Variants in PTPRG observed in about 807,000 individuals in gnomAD.
PTPRG encodes the protein protein tyrosine phosphatase receptor type G.
In PTPRG, 102 loss-of-function variants were observed where a neutral mutation model predicts 165.3. The observed-to-expected ratio is 0.62, with a 90% CI of 0.53 to 0.73. PTPRG has a LOEUF of 0.73. Ranked by LOEUF, PTPRG falls within the 30% of genes least tolerant of loss-of-function variation. The pLI is 0.00. For missense variants in PTPRG, 1,866 were observed against 1,861.4 expected (o/e 1.00, Z -0.05); for synonymous variants, 675 against 669.5 (o/e 1.01, Z -0.13).
intron 2 of PTPRG, among the ~76,000 whole-genome samples, chr3:61,856,562 A>G (rs557797407): frequency 1.3e-5 from 2 of 152,072 alleles, no homozygotes; most frequent in Non-Finnish European, 2.9e-5. Context: ...TTCTCATTGC[A>G]TGCATACAAG....
intron 2 of PTPRG, among the ~76,000 whole-genome samples, chr3:61,826,712 C>G (rs1480862145): frequency 6.6e-6 from 1 of 152,014 alleles, no homozygotes; most frequent in Non-Finnish European, 1.5e-5. Flanking sequence ...TTACACCTCC[C>G]TTTATAGCCC....
chr3:61,938,725 T>C (rs2039540740), intron 2 of PTPRG, among the ~76,000 whole-genome samples: 1 of 152,268 alleles, frequency 6.6e-6, no homozygotes, highest in Non-Finnish European at 1.5e-5. Flanking sequence ...CGCTACGTTA[T>C]AAACTGAGTC....
intron 1 of PTPRG, among the ~76,000 whole-genome samples, chr3:61,662,916 T>C (rs1702705999): frequency 6.6e-6 from 1 of 152,200 alleles, no homozygotes; most frequent in Admixed American, 6.5e-5. Context: ...ATGCAGAGTA[T>C]ACACATAGGC....
chr3:61,623,752 C>CA (rs1701529653), intron 1 of PTPRG, among the ~76,000 whole-genome samples: 1 of 152,140 alleles, frequency 6.6e-6, no homozygotes, highest in Non-Finnish European at 1.5e-5. Flanking sequence ...AAAGAAGACA[C>CA]AAAACCTTCA....
In PTPRG at chr3:61,587,376, A is replaced by C. The variant is rs72888676; in HGVS notation, c.85+25004A>C. Among the ~76,000 whole-genome samples the C allele has an allele frequency of 9.8e-3, 1,471 of 150,426 alleles. 17 individuals carry two copies. The highest frequency in any genetic ancestry group is 0.034 in the African/African-American group (1,395 of 41,032). ...TTGTTTTTTCTCTCTATGCACATAC[A>C]CTCTTTCTGTCAGACTCATTTTCTC... On this transcript the variant is annotated intron_variant, in intron 1 of 29. Coordinates refer to ENST00000474889, the MANE Select transcript of PTPRG (RefSeq NM_002841.4).
At chr3:62,231,965 T>A (rs1700914166) in intron 14 of PTPRG, among the ~76,000 whole-genome samples, 2 of 152,196 alleles carry the variant, frequency 1.3e-5, no homozygotes, top group African/African-American at 4.8e-5. Flanking sequence ...AGTCTCTTGA[T>A]AATATTTCTG....
chr3:61,666,742 G>A (rs193176899), intron 1 of PTPRG, among the ~76,000 whole-genome samples: 16 of 152,276 alleles, frequency 1.1e-4, no homozygotes, highest in African/African-American at 3.6e-4. Context: ...CCTGTTCATC[G>A]TAGGGTGTTT....
At chr3:61,925,131 A>T (rs2039176450) in intron 2 of PTPRG, among the ~76,000 whole-genome samples, 1 of 152,238 alleles carries the variant, frequency 6.6e-6, no homozygotes, top group Non-Finnish European at 1.5e-5. Flanking sequence ...GCTCAAGGTG[A>T]CTTAAGACAG....
intron 1 of PTPRG, chr3:61,742,374 T>TAA (rs2033025213): frequency 2.5e-5 from 25 of 1,007,934 alleles, no homozygotes; most frequent in Non-Finnish European, 3.2e-5. Flanking sequence ...GACATTTTTA[T>TAA]AGGAAGAAAT....
At chr3:62,062,788 A>AG (rs1700864142) in intron 4 of PTPRG, among the ~76,000 whole-genome samples, 1 of 152,094 alleles carries the variant, frequency 6.6e-6, no homozygotes, top group African/African-American at 2.4e-5. Context: ...TCAGCCTCCC[A>AG]AGTAGCATGG....
chr3:62,261,818 G>T (rs1181972526), intron 16 of PTPRG: 1 of 151,878 alleles, frequency 6.6e-6, no homozygotes, highest in Non-Finnish European at 1.5e-5. Flanking sequence ...AAGACAACCA[G>T]TTCATTGTTT....
chr3:61,646,859 A>G (rs914941601), intron 1 of PTPRG, among the ~76,000 whole-genome samples: 23 of 152,338 alleles, frequency 1.5e-4, no homozygotes, highest in Admixed American at 7.8e-4. Flanking sequence ...ATGTCATTAT[A>G]TAAAGGAAAT....
At chr3:62,124,871 A>C (rs1226877452) in intron 5 of PTPRG, among the ~76,000 whole-genome samples, 1 of 152,158 alleles carries the variant, frequency 6.6e-6, no homozygotes, top group Admixed American at 6.5e-5. Context: ...ATCTTTCATA[A>C]CATTGCTTTT....
chr3:62,276,633 T>C (rs1702240578), intron 24 of PTPRG: 1 of 246,618 alleles, frequency 4.1e-6, no homozygotes, highest in Non-Finnish European at 7.7e-6. Context: ...ACAAAGTATA[T>C]GTTGGTATAA....
intron 2 of PTPRG, among the ~76,000 whole-genome samples, chr3:61,951,727 T>C (rs1310866427): frequency 6.6e-6 from 1 of 152,204 alleles, no homozygotes; most frequent in African/African-American, 2.4e-5. Context: ...TTTTACAAAG[T>C]ACAGAGAGGC....
intron 2 of PTPRG, among the ~76,000 whole-genome samples, chr3:61,858,143 C>T (rs1461930111): frequency 6.6e-6 from 1 of 152,172 alleles, no homozygotes; most frequent in Non-Finnish European, 1.5e-5. Context: ...GACAGAAAAG[C>T]ATGAAGGAAA....
intron 2 of PTPRG, among the ~76,000 whole-genome samples, chr3:61,796,181 GA>G (rs2107148689): frequency 6.6e-6 from 1 of 152,254 alleles, no homozygotes; most frequent in South Asian, 2.1e-4. Flanking sequence ...GTTATCTATT[GA>G]GCAAGATTAA....
chr3:62,104,485 G>A (rs778398507), intron 5 of PTPRG, among the ~76,000 whole-genome samples: 3 of 152,190 alleles, frequency 2.0e-5, no homozygotes, highest in Non-Finnish European at 2.9e-5. Flanking sequence ...GTCTTTCTCT[G>A]GATAATTATC....
At position 62,281,571 on chromosome 3, in the gene PTPRG, T is replaced by C. The variant is rs1702451421; in HGVS notation, c.3774T>C (p.Asp1258=). The C allele has an allele frequency of 2.8e-6, 4 of 1,415,128 alleles. No individual in the cohort carries two copies. The highest frequency in any genetic ancestry group is 2.8e-6 in the Non-Finnish European group (3 of 1,055,784). 87.7% of individuals were successfully genotyped at this position (1,415,128 alleles called of 1,614,324 possible). The change falls in exon 27 of 30, where the codon GAT becomes GAC. Residue 1258 remains aspartate, a synonymous_variant. Transcript: ENST00000474889. The part of the protein sequence containing the change: ...MLPDNQSLAE[D]EFVYWPSREE... ...TTTTTTGGATTCCAAAGGCAGAAGA[T>C]GAGTTTGTGTACTGGCCAAGTCGAG...
Sources: gnomAD v4.1 joint callset for allele counts (sites outside exome capture counted in the v4.1 genomes callset) on GRCh38, gnomAD v4.1.1 for gene constraint, MANE v1.5 for transcripts, NCBI Gene and HGNC (gene_info 2026-07-23, HGNC 2026-07-21) for gene names.